MTRF1: variants seen among roughly 807,000 people sequenced by gnomAD.
MTRF1 encodes the protein mitochondrial translation release factor 1, also known as peptide chain release factor 1, mitochondrial.
In MTRF1, 51 loss-of-function variants were observed where a neutral mutation model predicts 62.9. That is an observed-to-expected ratio of 0.81 (90% CI 0.65 to 1.02). The LOEUF is 1.02. Among genes scored for constraint, MTRF1 ranks in the 50% least tolerant of loss-of-function variants. The pLI is 0.00. For synonymous variants in MTRF1, 158 were observed against 181.9 expected, an observed-to-expected ratio of 0.87 and a Z score of 1.06; for missense variants, 446 against 530.0, an observed-to-expected ratio of 0.84 and a Z score of 1.56.
chr13:41,307,145 C>A, the MTRF1 span, among the ~76,000 whole-genome samples: 1 of 152,214 alleles, frequency 6.6e-6, no homozygotes, highest in South Asian at 2.1e-4. Context: ...CCCTCACCCC[C>A]ACACTAGTGT....
intron 9 of MTRF1, among the ~76,000 whole-genome samples, chr13:41,221,608 C>T (rs965343637): frequency 6.6e-6 from 1 of 152,176 alleles, no homozygotes; most frequent in Non-Finnish European, 1.5e-5. Flanking sequence ...ATTATTAGAG[C>T]TTACCAGTGT....
rs1479096624 is a variant in MTRF1, at chr13:41,223,296, ACT to A, written c.1182_1183del (p.Arg394SerfsTer3). On this transcript the variant is annotated frameshift_variant, in exon 9 of 10. Coordinates refer to ENST00000379480, the MANE Select transcript of MTRF1 (RefSeq NM_004294.4). LOFTEE classifies it high-confidence loss of function. ...TTCATATGCTATCCTGTGGTCACTGACTCTATCCTGGGTGAAATTATATGTCC... is the reference window on the plus strand; with the variant it reads ...TTCATATGCTATCCTGTGGTCACTGACTATCCTGGGTGAAATTATATGTCC... 4 of 1,613,942 alleles carry A rather than the reference ACT, an allele frequency of 2.5e-6. No homozygotes were observed. Among genetic ancestry groups the A allele is most frequent in the East Asian group, 4.5e-5 (2 of 44,844 alleles).
At chr13:41,218,281 ATTTTT>A (rs199717534) in intron 9 of MTRF1, among the ~76,000 whole-genome samples, 93 of 117,854 alleles carry the variant, frequency 7.9e-4, no homozygotes, top group African/African-American at 2.8e-3. Flanking sequence ...CACCCAGCTA[ATTTTT>A]TTTTTTTTTT....
the MTRF1 span, chr13:41,311,250 A>C: frequency 1.9e-6 from 1 of 524,494 alleles, no homozygotes; most frequent in Non-Finnish European, 3.3e-6. Flanking sequence ...CGGGAGGCGG[A>C]CCCTGGCTGC....
the MTRF1 span, among the ~76,000 whole-genome samples, chr13:41,277,685 C>T: frequency 6.6e-6 from 1 of 152,160 alleles, no homozygotes; most frequent in Non-Finnish European, 1.5e-5. Flanking sequence ...TTTATGGAGG[C>T]TTCATTACAT....
chr13:41,299,385 A>G, the MTRF1 span, among the ~76,000 whole-genome samples: 1 of 152,140 alleles, frequency 6.6e-6, no homozygotes, highest in South Asian at 2.1e-4. Flanking sequence ...TTTCTTTTAG[A>G]GCCGGCTTTT....
At chr13:41,269,925 T>G in the MTRF1 span, among the ~76,000 whole-genome samples, 1 of 152,216 alleles carries the variant, frequency 6.6e-6, no homozygotes, top group East Asian at 1.9e-4. Flanking sequence ...GTTTATAGTT[T>G]AGCTTTGAAA....
intron 5 of MTRF1, among the ~76,000 whole-genome samples, chr13:41,245,727 C>T (rs1280974858): frequency 1.3e-5 from 2 of 152,106 alleles, no homozygotes; most frequent in African/African-American, 2.4e-5. Flanking sequence ...TGTGAGATTA[C>T]TTTTCCATAT....
chr13:41,303,147 G>C, the MTRF1 span, among the ~76,000 whole-genome samples: 1 of 151,972 alleles, frequency 6.6e-6, no homozygotes, highest in African/African-American at 2.4e-5. Flanking sequence ...GATGCTAACT[G>C]CAAGAGTGGT....
intron 7 of MTRF1, 24 bp from the exon 8 acceptor site, chr13:41,226,592 G>T (rs2034472846): frequency 1.2e-6 from 2 of 1,611,576 alleles, no homozygotes; most frequent in Non-Finnish European, 8.5e-7. Flanking sequence ...GGGATCAGAA[G>T]GTAAACTGTA....
chr13:41,302,277 G>T, the MTRF1 span, among the ~76,000 whole-genome samples: 2 of 151,972 alleles, frequency 1.3e-5, no homozygotes, highest in African/African-American at 4.8e-5. Flanking sequence ...TGAGCCACCC[G>T]CCTCGGCCTT....
Position 41,240,433 on chromosome 13 carries a change from C to T in MTRF1, c.698G>A (p.Gly233Asp). 1 of 1,611,092 alleles carries T rather than the reference C, an allele frequency of 6.2e-7. No individual in the cohort carries two copies. Among genetic ancestry groups the T allele is most frequent in the East Asian group, 2.2e-5 (1 of 44,770 alleles). ...TCGGGCGGCTGCATGATGTAGTCCA[C>T]CTAGGGGAACAACAATCCAGAAATA... Reference protein sequence around the residue: ...ELLNYTPADYGGLHHAAARIS... With the variant: ...ELLNYTPADYDGLHHAAARIS... Residue 233 changes from glycine to aspartate, a missense_variant and splice_region_variant, in exon 6 of 10, where the codon GGT (glycine) becomes GAT (aspartate). Physicochemically the swap from Gly to Asp is moderately conservative, Grantham distance 94. Coordinates refer to ENST00000379480, the MANE Select transcript of MTRF1 (RefSeq NM_004294.4).
upstream of MTRF1, among the ~76,000 whole-genome samples, chr13:41,266,004 C>T (rs1285902045): frequency 6.6e-6 from 1 of 152,100 alleles, no homozygotes; most frequent in Admixed American, 6.6e-5. Flanking sequence ...TGCACACCAC[C>T]ACGCCCAGCT....
upstream of MTRF1, among the ~76,000 whole-genome samples, chr13:41,265,315 G>A (rs188176178): frequency 2.8e-4 from 42 of 151,740 alleles, no homozygotes; most frequent in East Asian, 6.4e-3. Flanking sequence ...CTAGCTACTC[G>A]GAGGCTGAGG....
At chr13:41,222,360 C>T (rs997042230) in intron 9 of MTRF1, among the ~76,000 whole-genome samples, 1 of 152,208 alleles carries the variant, frequency 6.6e-6, no homozygotes, top group African/African-American at 2.4e-5. Flanking sequence ...TTTTCCCCAA[C>T]AGCCTAACTG....
chr13:41,292,745 AC>A, the MTRF1 span, among the ~76,000 whole-genome samples: 1 of 152,076 alleles, frequency 6.6e-6, no homozygotes, highest in Middle Eastern at 3.4e-3. Context: ...CAATAGTGAG[AC>A]CCTCATCTCA....
At chr13:41,298,897 A>C in the MTRF1 span, among the ~76,000 whole-genome samples, 3 of 152,162 alleles carry the variant, frequency 2.0e-5, no homozygotes, top group African/African-American at 7.2e-5. Flanking sequence ...GAGAAGGAGG[A>C]GGCCAGGTGA....
At position 41,252,587 on chromosome 13, in the gene MTRF1, G is replaced by A. The variant is rs955234595; in HGVS notation, c.697+58C>T. 6.7e-6 allele frequency: 9 copies of A among 1,341,438 alleles called. No individual in the cohort carries two copies. The Admixed American group carries it at 1.6e-4, about 25-fold the overall frequency. The allele number at this position is 1,341,438 out of a possible 1,614,324, so 83.1% of individuals were successfully genotyped here. A position where few individuals can be genotyped will look rare whatever the true frequency, so the allele number is the denominator to read the frequency against. On this transcript the variant is annotated intron_variant, in intron 5 of 9. Transcript: ENST00000379480. The stretch of plus-strand genomic sequence containing the variant: ...AATGGGACAATATGGTTCTAATCAA[G>A]ATCAGAGGTAAAATAATTTTCAGTA...
chr13:41,276,415 G>A, the MTRF1 span, among the ~76,000 whole-genome samples: 48 of 151,986 alleles, frequency 3.2e-4, no homozygotes, highest in African/African-American at 1.2e-3. Flanking sequence ...CAAGTGATCC[G>A]CCTGCCTTGG....
Sources: allele counts gnomAD v4.1 joint callset (sites outside exome capture counted in the v4.1 genomes callset), GRCh38; gene constraint gnomAD v4.1.1; transcripts MANE v1.5; gene names NCBI Gene and HGNC (gene_info 2026-07-23, HGNC 2026-07-21).